Variants in RGS17 observed in about 807,000 individuals in gnomAD.
RGS17 encodes the protein regulator of G-protein signaling 17.
In RGS17, 12 loss-of-function variants were observed where a neutral mutation model predicts 25.5. That is an observed-to-expected ratio of 0.47 (90% CI 0.30 to 0.76). RGS17 has a LOEUF of 0.76. Ranked by LOEUF, RGS17 falls within the 30% of genes least tolerant of loss-of-function variation. The pLI, the probability that RGS17 is intolerant of heterozygous loss-of-function variation, is 0.07. For synonymous variants in RGS17, 71 were observed against 76.9 expected (o/e 0.92, Z 0.40); for missense variants, 196 against 242.2 (o/e 0.81, Z 1.27).
rs1779116978 is a variant in RGS17 at position 153,010,339 on chromosome 6, G to A, written c.*1235C>T. ...GCAAGTGTTTTGTCGTAAAGATTTA[G>A]TGTACTTATAAAAAATAATATGGCA... is the stretch of plus-strand genomic sequence containing the variant. On this transcript the variant is annotated 3_prime_UTR_variant, in exon 5 of 5. Transcript: ENST00000206262. 1 of 151,978 alleles carries A rather than the reference G, an allele frequency of 6.6e-6. No individual in the cohort carries two copies. The highest frequency in any genetic ancestry group is 1.5e-5 in the Non-Finnish European group (1 of 67,862). 9.4% of individuals were successfully genotyped at this position (151,978 alleles called of 1,614,324 possible).
intron 4 of RGS17, among the ~76,000 whole-genome samples, chr6:153,020,138 A>ATT (rs35590788): frequency 2.5e-5 from 1 of 39,284 alleles, no homozygotes; most frequent in Non-Finnish European, 4.1e-5. Context: ...ATATATATAT[A>ATT]TTTTTTTTTT....
chr6:153,115,588 T>C (rs1305205956), intron 1 of RGS17, among the ~76,000 whole-genome samples: 4 of 152,132 alleles, frequency 2.6e-5, no homozygotes, highest in African/African-American at 9.7e-5. Context: ...AAATTTCATA[T>C]GGAACCAAAA....
intron 1 of RGS17, among the ~76,000 whole-genome samples, chr6:153,124,356 T>C (rs1777676536): frequency 6.6e-6 from 1 of 152,124 alleles, no homozygotes; most frequent in African/African-American, 2.4e-5. Flanking sequence ...AACAAACTAG[T>C]CAGGAAAGGA....
chr6:153,031,030 T>C (rs898394055), intron 2 of RGS17, among the ~76,000 whole-genome samples: 3 of 152,140 alleles, frequency 2.0e-5, no homozygotes, highest in Non-Finnish European at 2.9e-5. Flanking sequence ...AAAAAGGGGA[T>C]CTCATTCAGA....
chr6:153,122,656 C>G (rs28607891), intron 1 of RGS17, among the ~76,000 whole-genome samples: 3,185 of 151,970 alleles, frequency 0.021, 106 homozygotes, highest in African/African-American at 0.071. Context: ...TTTTTCCTGG[C>G]AGATAGAACA....
At chr6:153,036,677 C>T (rs1354484558) in intron 2 of RGS17, among the ~76,000 whole-genome samples, 7 of 152,194 alleles carry the variant, frequency 4.6e-5, no homozygotes, top group African/African-American at 7.2e-5. Context: ...AGTGTCCTCT[C>T]ATTTGATGGG....
intron 1 of RGS17, among the ~76,000 whole-genome samples, chr6:153,126,767 ATAGAGAT>A (rs1194260284): frequency 6.6e-6 from 1 of 152,242 alleles, no homozygotes; most frequent in Non-Finnish European, 1.5e-5. Flanking sequence ...AGAAACTGCA[ATAGAGAT>A]ACGCATACAA....
At chr6:153,021,201 T>C (rs1779244328) in intron 4 of RGS17, among the ~76,000 whole-genome samples, 1 of 152,244 alleles carries the variant, frequency 6.6e-6, no homozygotes, top group Non-Finnish European at 1.5e-5. Context: ...AACTGGGATG[T>C]AGCAAAGGCA....
chr6:153,059,369 A>G (rs1357390454), intron 1 of RGS17, among the ~76,000 whole-genome samples: 2 of 152,124 alleles, frequency 1.3e-5, no homozygotes, highest in African/African-American at 2.4e-5. Context: ...AGGTTAAGCC[A>G]TTTCTATGCT....
At chr6:153,051,574 T>A (rs1406622664) in intron 1 of RGS17, among the ~76,000 whole-genome samples, 1 of 152,150 alleles carries the variant, frequency 6.6e-6, no homozygotes, top group Non-Finnish European at 1.5e-5. Context: ...ATTGTGTTCA[T>A]ATTATTAGTG....
At chr6:153,022,221 T>C (rs77699147) in intron 4 of RGS17, among the ~76,000 whole-genome samples, 2 of 152,050 alleles carry the variant, frequency 1.3e-5, no homozygotes, top group East Asian at 3.9e-4. Context: ...AAAAATTAGA[T>C]GAAAACAAAC....
At chr6:153,080,739 A>G (rs1776966124) in intron 1 of RGS17, among the ~76,000 whole-genome samples, 1 of 152,040 alleles carries the variant, frequency 6.6e-6, no homozygotes, top group Non-Finnish European at 1.5e-5. Flanking sequence ...AATGCTGTAA[A>G]AAGCATTGAA....
chr6:153,117,168 C>T (rs62438275), intron 1 of RGS17, among the ~76,000 whole-genome samples: 1 of 151,948 alleles, frequency 6.6e-6, no homozygotes, highest in African/African-American at 2.4e-5. Flanking sequence ...GCTGGGGAGG[C>T]CTCAAGAAAC....
In RGS17 at chr6:153,024,372, G is replaced by C; in HGVS notation, c.334C>G (p.Leu112Val). The C allele has an allele frequency of 6.2e-7, 1 of 1,614,156 alleles. No individual in the cohort carries two copies. Residue 112 changes from leucine (L) to valine (V), a missense_variant, in exon 4 of 5, where the codon CTT becomes GTT. Transcript: ENST00000206262. ...LRTEYSEENL[L>V]FWLACEDLKK... ...AAGTCTTCACAAGCAAGCCAGAAAA[G>C]TAGGTTCTCTTCACTGTATTCTGTT...
intron 1 of RGS17, among the ~76,000 whole-genome samples, chr6:153,120,335 C>A (rs925835221): frequency 6.6e-6 from 1 of 152,290 alleles, no homozygotes; most frequent in Admixed American, 6.5e-5. Context: ...TTGACTTGTC[C>A]ATGTCTTATG....
rs1453687011 is a variant in RGS17, at chr6:153,130,768, A to C, written c.-26+356T>G. ...CCCGGCCCTCCCGGCCGCCCCCAGC[A>C]GGCGCCCCGCTCTCCGCGGGAACTC... is the stretch of plus-strand genomic sequence containing the variant. On this transcript the variant is annotated intron_variant, in intron 1 of 4. Transcript: ENST00000206262. This position sits in a 1 kb window ranked among gnomAD's most constrained non-coding sequence, Gnocchi z 6.4. Among the ~76,000 whole-genome samples, 3 of 151,988 alleles carry C rather than the reference A, an allele frequency of 2.0e-5. No individual in the cohort carries two copies. The highest frequency in any genetic ancestry group is 2.9e-5 in the Non-Finnish European group (2 of 67,966).
At chr6:153,103,979 T>G (rs545835359) in intron 1 of RGS17, among the ~76,000 whole-genome samples, 2 of 152,344 alleles carry the variant, frequency 1.3e-5, no homozygotes, top group East Asian at 3.9e-4. Flanking sequence ...TTGTAAAATG[T>G]GTACTGATTT....
intron 2 of RGS17, among the ~76,000 whole-genome samples, chr6:153,029,499 ATATGT>A (rs543082645): frequency 9.1e-4 from 139 of 152,160 alleles, no homozygotes; most frequent in African/African-American, 3.3e-3. Flanking sequence ...ACCAACTTAT[ATATGT>A]TATATGTGTT....
intron 2 of RGS17, among the ~76,000 whole-genome samples, chr6:153,039,827 G>A (rs982691611): frequency 5.3e-5 from 8 of 152,154 alleles, no homozygotes; most frequent in African/African-American, 1.9e-4. Flanking sequence ...TCTCACATGT[G>A]AGCATCTGAA....
Sources: gnomAD v4.1 joint callset for allele counts (sites outside exome capture counted in the v4.1 genomes callset) on GRCh38, gnomAD v4.1.1 for gene constraint, Gnocchi (gnomAD v3.1) non-coding constraint, MANE v1.5 for transcripts, NCBI Gene and HGNC (gene_info 2026-07-23, HGNC 2026-07-21) for gene names.